Variants in ZNF469 observed in about 807,000 individuals in gnomAD.
ZNF469 encodes the protein zinc finger protein 469.
A neutral mutation model predicts 1.0 loss-of-function variants in ZNF469; 1 was observed. The observed-to-expected ratio is 1.00, with a 90% confidence interval of 0.35 to 4.73. The LOEUF (loss-of-function observed/expected upper bound fraction) is 4.73. ZNF469 is among the 30% of genes most tolerant of loss of function. The pLI is 0.16. For missense variants in ZNF469, 6,100 were observed against 5,356.3 expected, an observed-to-expected ratio of 1.14 and a Z score of -4.33; for synonymous variants, 2,703 against 2,363.4, an observed-to-expected ratio of 1.14 and a Z score of -4.17.
the ZNF469 span, among the ~76,000 whole-genome samples, chr16:88,189,242 G>A: frequency 2.0e-5 from 3 of 152,200 alleles, no homozygotes; most frequent in Admixed American, 6.5e-5. This position sits in a 1 kb window ranked among gnomAD's most constrained non-coding sequence, Gnocchi z 4.3. Context: ...CATGTCTCCA[G>A]ATAGCACCAG....
chr16:88,169,390 C>T, the ZNF469 span, among the ~76,000 whole-genome samples: 1 of 152,190 alleles, frequency 6.6e-6, no homozygotes, highest in Non-Finnish European at 1.5e-5. The surrounding 1 kb of genome is among the most constrained non-coding windows in gnomAD (Gnocchi z 6.1). Flanking sequence ...GGAGTCAGCC[C>T]TTCCCCTGCG....
At chr16:88,190,593 A>G in the ZNF469 span, among the ~76,000 whole-genome samples, 1 of 152,148 alleles carries the variant, frequency 6.6e-6, no homozygotes, top group Admixed American at 6.5e-5. Context: ...ACTAAGGGCA[A>G]TGGGGAGCTA....
chr16:88,170,114 T>A, the ZNF469 span, among the ~76,000 whole-genome samples: 1 of 152,230 alleles, frequency 6.6e-6, no homozygotes. This position sits in a 1 kb window ranked among gnomAD's most constrained non-coding sequence, Gnocchi z 4.2. Flanking sequence ...TCTCTCAGCC[T>A]CGCTTCCTAT....
the ZNF469 span, among the ~76,000 whole-genome samples, chr16:88,326,728 C>A: frequency 2.0e-5 from 3 of 152,182 alleles, no homozygotes; most frequent in Non-Finnish European, 4.4e-5. Context: ...GTGAAAGCAC[C>A]TTAGAGACCT....
At chr16:88,344,962 T>C in the ZNF469 span, among the ~76,000 whole-genome samples, 4 of 152,136 alleles carry the variant, frequency 2.6e-5, no homozygotes, top group African/African-American at 9.7e-5. Context: ...TCCCTGACAA[T>C]GTTGTATATC....
At chr16:88,218,070 T>C in the ZNF469 span, among the ~76,000 whole-genome samples, 1 of 143,510 alleles carries the variant, frequency 7.0e-6, no homozygotes, top group East Asian at 2.0e-4. Flanking sequence ...AGTGTAAAAG[T>C]GTTCCTATTT....
At chr16:88,153,014 G>A in the ZNF469 span, among the ~76,000 whole-genome samples, 2 of 152,316 alleles carry the variant, frequency 1.3e-5, no homozygotes, top group Middle Eastern at 3.4e-3. Context: ...GTCTGCTGCT[G>A]TGGTGACGTT....
chr16:88,270,471 G>T, the ZNF469 span, among the ~76,000 whole-genome samples: 39 of 152,234 alleles, frequency 2.6e-4, 1 homozygote, highest in Non-Finnish European at 4.4e-5. Context: ...CTCAGGACAA[G>T]GCCGGACTCC....
the ZNF469 span, among the ~76,000 whole-genome samples, chr16:88,337,165 T>C: frequency 1.3e-5 from 2 of 152,230 alleles, no homozygotes; most frequent in African/African-American, 4.8e-5. Flanking sequence ...GGTTTGGCTG[T>C]GTCCCCAACC....
chr16:88,108,859 G>C, the ZNF469 span, among the ~76,000 whole-genome samples: 1 of 152,224 alleles, frequency 6.6e-6, no homozygotes, highest in Non-Finnish European at 1.5e-5. Flanking sequence ...CTCAACAGGG[G>C]AGTGCTGAGG....
At chr16:88,259,609 G>A in the ZNF469 span, among the ~76,000 whole-genome samples, 2 of 152,120 alleles carry the variant, frequency 1.3e-5, no homozygotes, top group African/African-American at 4.8e-5. This position sits in a 1 kb window ranked among gnomAD's most constrained non-coding sequence, Gnocchi z 4.1. Flanking sequence ...GAATCCCTAT[G>A]AGCCCCAGGA....
the ZNF469 span, among the ~76,000 whole-genome samples, chr16:88,282,085 GT>G: frequency 6.6e-6 from 1 of 152,334 alleles, no homozygotes; most frequent in East Asian, 1.9e-4. Flanking sequence ...TGGCATTGGT[GT>G]ATAGTGTAGG....
chr16:88,144,254 A>G, the ZNF469 span, among the ~76,000 whole-genome samples: 12,597 of 152,304 alleles, frequency 0.083, 656 homozygotes, highest in Admixed American at 0.14. Flanking sequence ...CAGAGCTGCC[A>G]GTCCCTACTA....
At chr16:88,104,357 C>T in the ZNF469 span, among the ~76,000 whole-genome samples, 1 of 152,122 alleles carries the variant, frequency 6.6e-6, no homozygotes, top group Admixed American at 6.6e-5. Context: ...GATGTGCACC[C>T]ACAACCACTA....
At chr16:88,221,095 G>A in the ZNF469 span, among the ~76,000 whole-genome samples, 3 of 151,898 alleles carry the variant, frequency 2.0e-5, no homozygotes, top group Admixed American at 2.0e-4. Flanking sequence ...GCTCCTACTC[G>A]GTGTCACTGT....
At chr16:88,212,690 C>T in the ZNF469 span, among the ~76,000 whole-genome samples, 1 of 152,218 alleles carries the variant, frequency 6.6e-6, no homozygotes, top group African/African-American at 2.4e-5. Context: ...AAGCAATCCT[C>T]CCACCTTAGC....
At chr16:88,324,767 C>T in the ZNF469 span, among the ~76,000 whole-genome samples, 3 of 152,210 alleles carry the variant, frequency 2.0e-5, no homozygotes, top group African/African-American at 7.2e-5. Context: ...CGTTTGTAAA[C>T]TGTCATGGTG....
At chr16:88,106,209 C>G in the ZNF469 span, among the ~76,000 whole-genome samples, 1 of 152,230 alleles carries the variant, frequency 6.6e-6, no homozygotes, top group Admixed American at 6.5e-5. Flanking sequence ...ACCCGCGCCC[C>G]CACACCCTGG....
chr16:88,297,860 G>A, the ZNF469 span, among the ~76,000 whole-genome samples: 61 of 152,300 alleles, frequency 4.0e-4, no homozygotes, highest in Non-Finnish European at 5.9e-4. Context: ...CCTCTTTAGG[G>A]TACATTATTG....
Sources: allele counts gnomAD v4.1 joint callset (sites outside exome capture counted in the v4.1 genomes callset), GRCh38; gene constraint gnomAD v4.1.1; non-coding constraint Gnocchi (gnomAD v3.1); transcripts MANE v1.5; gene names NCBI Gene and HGNC (gene_info 2026-07-23, HGNC 2026-07-21).